The following RUFY3 variants were observed in gnomAD, a reference collection of about 807,000 sequenced individuals.
The protein encoded by RUFY3 is protein RUFY3.
RUFY3 carries 34 observed loss-of-function variants against 84.0 expected under a neutral mutation model. The ratio of observed to expected loss-of-function variants is 0.40; its 90% CI spans 0.31 to 0.54. The LOEUF is 0.54. Ranked by LOEUF, RUFY3 falls within the 20% of genes least tolerant of loss-of-function variation. The pLI is 0.39. For missense variants in RUFY3, 507 were observed against 736.8 expected (o/e 0.69, Z 3.61); for synonymous variants, 242 against 252.9 (o/e 0.96, Z 0.41).
intron 1 of RUFY3, among the ~76,000 whole-genome samples, chr4:70,715,569 G>C (rs533155949): frequency 7.1e-6 from 1 of 139,910 alleles, no homozygotes; most frequent in Non-Finnish European, 1.5e-5. Context: ...CCTAACCCGG[G>C]TGAGAGTAAC....
chr4:70,755,958 A>G (rs1723946957), intron 1 of RUFY3, among the ~76,000 whole-genome samples: 1 of 151,906 alleles, frequency 6.6e-6, no homozygotes, highest in African/African-American at 2.4e-5. Context: ...CTCGAAAAAA[A>G]AAAAAAGGAA....
At chr4:70,747,066 G>A (rs1386643273) in intron 1 of RUFY3, among the ~76,000 whole-genome samples, 1 of 152,134 alleles carries the variant, frequency 6.6e-6, no homozygotes, top group Non-Finnish European at 1.5e-5. Context: ...AAAAGTACAT[G>A]GTATCTCTCG....
At chr4:70,789,974 T>C in intron 12 of RUFY3, 1 of 839,858 alleles carries the variant, frequency 1.2e-6, no homozygotes, top group Non-Finnish European at 1.4e-6. Context: ...TTTGAATACT[T>C]GGATGCTAGG....
At chr4:70,756,495 C>T (rs1416302781) in intron 1 of RUFY3, among the ~76,000 whole-genome samples, 2 of 152,118 alleles carry the variant, frequency 1.3e-5, no homozygotes, top group Admixed American at 6.6e-5. Flanking sequence ...TACTTAAACC[C>T]CTGGCATTTT....
chr4:70,752,049 G>A (rs566145788), intron 1 of RUFY3, among the ~76,000 whole-genome samples: 1 of 152,236 alleles, frequency 6.6e-6, no homozygotes, highest in Non-Finnish European at 1.5e-5. Context: ...CCAAAGTGCT[G>A]GGATTACAGA....
chr4:70,792,555 C>T (rs1179386200), intron 12 of RUFY3: 1 of 985,168 alleles, frequency 1.0e-6, no homozygotes, highest in Non-Finnish European at 1.2e-6. Flanking sequence ...TTACATAAGC[C>T]TTCATTCCTT....
intron 1 of RUFY3, among the ~76,000 whole-genome samples, chr4:70,760,746 AT>A (rs1724895236): frequency 1.3e-5 from 2 of 152,206 alleles, no homozygotes; most frequent in Admixed American, 1.3e-4. Context: ...CTATGGCCAC[AT>A]TTAAACTATG....
intron 1 of RUFY3, among the ~76,000 whole-genome samples, chr4:70,727,718 C>G (rs1718510039): frequency 6.8e-6 from 1 of 147,960 alleles, no homozygotes; most frequent in South Asian, 2.1e-4. Context: ...ACCCAGGAGG[C>G]AGGGGTTGCG....
At position 70,707,176 on chromosome 4, in the gene RUFY3, G is replaced by A. The variant is rs187894559; in HGVS notation, c.358+1882G>A. On this transcript the variant is annotated intron_variant, in intron 1 of 11. Transcript: ENST00000417478. ...TCAGTTAATACTGTTGCTTAAGCAT[G>A]ATCAAGATCGGGACTAGAGGACTTA... Among the ~76,000 whole-genome samples the A allele has an allele frequency of 1.3e-4, 20 of 152,362 alleles. 1 individual carries two copies. The highest frequency in any genetic ancestry group is 1.2e-3 in the Admixed American group (19 of 15,308).
rs1460747889 is a variant in RUFY3, at chr4:70,789,482, T to C, written c.1240-13T>C. 9 of 1,604,058 alleles carry C rather than the reference T, an allele frequency of 5.6e-6. No homozygotes were observed. Among genetic ancestry groups the C allele is most frequent in the Non-Finnish European group, 7.7e-6 (9 of 1,176,166 alleles). On this transcript the variant is annotated splice_polypyrimidine_tract_variant and intron_variant, in intron 11 of 17. Transcript: ENST00000381006. Reference sequence around the variant, plus strand: ...ATGTTATACAGGTTGTTTATCGTTATTTTCCATAACAGAGTTCAGACTTAG... The same window carrying C: ...ATGTTATACAGGTTGTTTATCGTTACTTTCCATAACAGAGTTCAGACTTAG...
chr4:70,781,738 T>G (rs563869519), intron 8 of RUFY3, among the ~76,000 whole-genome samples: 1 of 152,214 alleles, frequency 6.6e-6, no homozygotes, highest in Non-Finnish European at 1.5e-5. Context: ...TGAGCTTCTC[T>G]GTGCTTACCA....
chr4:70,712,574 A>G (rs1577898591), intron 1 of RUFY3, among the ~76,000 whole-genome samples: 1 of 152,196 alleles, frequency 6.6e-6, no homozygotes, highest in African/African-American at 2.4e-5. Flanking sequence ...AAAATTTTTC[A>G]TAGAAATCTA....
intron 7 of RUFY3, 49 bp from the exon 8 acceptor site, chr4:70,778,320 G>A (rs774693155): frequency 1.1e-6 from 1 of 917,838 alleles, no homozygotes; most frequent in Non-Finnish European, 1.8e-6. Context: ...AAGGTACAGA[G>A]TATTGTCTGT....
chr4:70,764,330 G>T (rs756888418), intron 3 of RUFY3, 145 bp from the exon 4 acceptor site: 2 of 547,282 alleles, frequency 3.7e-6, no homozygotes, highest in Non-Finnish European at 3.2e-6. Context: ...CCTTGCATGG[G>T]AATGTACTGG....
intron 1 of RUFY3, among the ~76,000 whole-genome samples, chr4:70,707,271 G>C (rs1740442755): frequency 6.6e-6 from 1 of 151,972 alleles, no homozygotes; most frequent in African/African-American, 2.4e-5. Flanking sequence ...GTGTTTTTTT[G>C]TTTTTGAGAC....
At chr4:70,736,647 C>T (rs1720358173) in intron 1 of RUFY3, among the ~76,000 whole-genome samples, 1 of 152,074 alleles carries the variant, frequency 6.6e-6, no homozygotes. Context: ...TCTCAGCTCA[C>T]TGCAACCTCT....
chr4:70,720,641 A>C (rs184184198), upstream of RUFY3, among the ~76,000 whole-genome samples: 1 of 152,292 alleles, frequency 6.6e-6, no homozygotes, highest in Admixed American at 6.5e-5. Context: ...AAATTAGGTA[A>C]ATCAAGATGT....
intron 1 of RUFY3, among the ~76,000 whole-genome samples, chr4:70,758,190 G>A (rs140759662): frequency 6.6e-6 from 1 of 152,140 alleles, no homozygotes; most frequent in Non-Finnish European, 1.5e-5. Context: ...TCCATACTCT[G>A]TCAGGTCATT....
At chr4:70,749,594 A>G (rs1426951785) in intron 1 of RUFY3, among the ~76,000 whole-genome samples, 1 of 149,916 alleles carries the variant, frequency 6.7e-6, no homozygotes, top group African/African-American at 2.5e-5. Context: ...TTCTTACAGG[A>G]GGCCAGCAGC....
Sources: gnomAD v4.1 joint callset for allele counts (sites outside exome capture counted in the v4.1 genomes callset) on GRCh38, gnomAD v4.1.1 for gene constraint, MANE v1.5 for transcripts, NCBI Gene and HGNC (gene_info 2026-07-23, HGNC 2026-07-21) for gene names.